The following FLI1 variants were observed in gnomAD, a reference collection of about 807,000 sequenced individuals.
The protein encoded by FLI1 is Fli-1 proto-oncogene, ETS transcription factor.
Under a neutral mutation model 53.1 loss-of-function variants are expected in FLI1, and 13 were observed. That is an observed-to-expected ratio of 0.24 (90% CI 0.16 to 0.39). The LOEUF is 0.39. FLI1 is among the 10% of genes least tolerant of loss of function. The probability of loss-of-function intolerance (pLI) is 1.00; values close to 1 mark genes in which losing one functional copy is unlikely to be tolerated. For synonymous variants in FLI1, 244 were observed against 236.7 expected, an observed-to-expected ratio of 1.03 and a Z score of -0.28; for missense variants, 424 against 600.5, an observed-to-expected ratio of 0.71 and a Z score of 3.07.
chr11:128,688,680 G>A (rs1239265441), intron 1 of FLI1, among the ~76,000 whole-genome samples: 2 of 152,182 alleles, frequency 1.3e-5, no homozygotes, highest in Non-Finnish European at 2.9e-5. Context: ...GGGTCCCACA[G>A]AGAGGTAAAG....
At chr11:128,758,032 C>T in intron 1 of FLI1, 83 bp from the exon 2 acceptor site, 1 of 1,274,030 alleles carries the variant, frequency 7.8e-7, no homozygotes, top group Non-Finnish European at 1.1e-6. Context: ...AGCCCTGGGC[C>T]ACCTTGCCAG....
chr11:128,764,614 C>T, intron 2 of FLI1: 1 of 1,522,886 alleles, frequency 6.6e-7, no homozygotes, highest in Non-Finnish European at 8.8e-7. Context: ...GTCCCGCACT[C>T]CCCCTCCCTC....
intron 1 of FLI1, among the ~76,000 whole-genome samples, chr11:128,704,315 G>C (rs1938466439): frequency 6.6e-6 from 1 of 152,068 alleles, no homozygotes. Context: ...GTGAAGGCAG[G>C]GGCTCTCAGC....
chr11:128,746,883 C>A (rs1484804739), intron 1 of FLI1, among the ~76,000 whole-genome samples: 1 of 152,200 alleles, frequency 6.6e-6, no homozygotes, highest in Non-Finnish European at 1.5e-5. Context: ...CAATAAAGCT[C>A]CACATTGACC....
Position 128,782,031 on chromosome 11 carries a change from T to G in FLI1, c.655+8T>G, listed in dbSNP as rs1472449083. ...GATTGAGTGTCAAAGAAGGTAAGTTTGTTCTTTTGTGCACTTAAAATTTTC... is the reference window on the plus strand; with the variant it reads ...GATTGAGTGTCAAAGAAGGTAAGTTGGTTCTTTTGTGCACTTAAAATTTTC... On this transcript the variant is annotated splice_region_variant and intron_variant, in intron 5 of 8. Transcript: ENST00000527786. 2 of 1,611,188 alleles carry G rather than the reference T, an allele frequency of 1.2e-6. No individual in the cohort carries two copies. Among genetic ancestry groups the G allele is most frequent in the Admixed American group, 1.7e-5 (1 of 60,026 alleles).
upstream of FLI1, among the ~76,000 whole-genome samples, chr11:128,689,675 C>T (rs1004789152): frequency 6.6e-6 from 1 of 152,208 alleles, no homozygotes; most frequent in African/African-American, 2.4e-5. Flanking sequence ...AAGCTGAACC[C>T]ACCTTGGCCC....
intron 1 of FLI1, among the ~76,000 whole-genome samples, chr11:128,702,610 C>T (rs1938382030): frequency 6.6e-6 from 1 of 152,138 alleles, no homozygotes; most frequent in South Asian, 2.1e-4. Context: ...ACCTGTAATC[C>T]CAGCATTTTG....
At chr11:128,768,298 G>T in intron 3 of FLI1, 26 bp downstream of exon 3, 1 of 1,595,698 alleles carries the variant, frequency 6.3e-7, no homozygotes, top group Non-Finnish European at 8.5e-7. Flanking sequence ...GGCTGCCTGG[G>T]CGCCATTCAC....
rs775332838 is a variant in FLI1 at position 128,811,869 on chromosome 11, G to A, written c.*881G>A. 36 of 195,436 alleles carry A rather than the reference G, an allele frequency of 1.8e-4. No homozygotes were observed. Among genetic ancestry groups the A allele is most frequent in the Admixed American group, 1.2e-3 (20 of 16,426 alleles). 12.1% of individuals were successfully genotyped at this position (195,436 alleles called of 1,614,324 possible). On this transcript the variant is annotated 3_prime_UTR_variant, in exon 9 of 9. Coordinates refer to ENST00000527786, the MANE Select transcript of FLI1 (RefSeq NM_002017.5). ...CAGAGTTATTTTCCTATATCTCACA[G>A]TATTAAAAATAAATAATTAAAAATT...
chr11:128,773,457 T>C (rs1164419618), intron 4 of FLI1, among the ~76,000 whole-genome samples: 1 of 151,908 alleles, frequency 6.6e-6, no homozygotes. Context: ...CTAACCCCAT[T>C]TGACAGGGCT....
At chr11:128,708,840 A>C (rs1938666617) in intron 1 of FLI1, among the ~76,000 whole-genome samples, 1 of 152,112 alleles carries the variant, frequency 6.6e-6, no homozygotes, top group South Asian at 2.1e-4. Flanking sequence ...CCGTCTTTTT[A>C]TTTGTCAGGC....
Position 128,772,895 on chromosome 11 carries a change from C to T in FLI1, c.499C>T (p.Leu167=). The T allele has an allele frequency of 6.2e-7, 1 of 1,614,012 alleles. No homozygotes were observed. The highest frequency in any genetic ancestry group is 8.5e-7 in the Non-Finnish European group (1 of 1,179,864). ...SFFQNMDGKE[L]CKMNKEDFLR... is the part of the protein sequence containing the mutation. ...TTTCCAGAACATGGATGGCAAGGAA[C>T]TGTGTAAAATGAACAAGGAGGACTT... Residue 167 remains leucine, a synonymous_variant, in exon 4 of 9, where the codon CTG becomes TTG. Transcript: ENST00000527786.
At chr11:128,749,415 C>T (rs1565480630) in intron 1 of FLI1, among the ~76,000 whole-genome samples, 2 of 152,192 alleles carry the variant, frequency 1.3e-5, no homozygotes, top group South Asian at 2.1e-4. Flanking sequence ...CGGTTCCTCT[C>T]CTGCGGGCCT....
chr11:128,703,522 A>G (rs959098382), intron 1 of FLI1, among the ~76,000 whole-genome samples: 1 of 152,180 alleles, frequency 6.6e-6, no homozygotes, highest in Non-Finnish European at 1.5e-5. Flanking sequence ...TCTCCAATGT[A>G]TATTATTACA....
In FLI1 at chr11:128,733,914, G is replaced by C. The variant is rs566377306; in HGVS notation, c.19-24201G>C. Among the ~76,000 whole-genome samples, 6 of 152,330 alleles carry C rather than the reference G, an allele frequency of 3.9e-5. No homozygotes were observed. In the East Asian group the frequency reaches 1.2e-3, roughly 29 times the overall value. On this transcript the variant is annotated intron_variant, in intron 1 of 8. Coordinates refer to ENST00000527786, the MANE Select transcript of FLI1 (RefSeq NM_002017.5). The stretch of plus-strand genomic sequence containing the variant: ...TTCAGTGAGGAGTCAGCTCCCACAT[G>C]CTCCTCCTATCTGGGCTGCAATCAG...
chr11:128,776,804 C>G (rs1312281537), intron 4 of FLI1, among the ~76,000 whole-genome samples: 1 of 152,172 alleles, frequency 6.6e-6, no homozygotes, highest in Admixed American at 6.5e-5. Flanking sequence ...TCTGGAGTCC[C>G]AGTCCCTGGC....
At chr11:128,733,269 G>A (rs1321344620) in intron 1 of FLI1, among the ~76,000 whole-genome samples, 8 of 151,864 alleles carry the variant, frequency 5.3e-5, no homozygotes, top group South Asian at 2.1e-4. Flanking sequence ...CTGATTCCTC[G>A]GCTCCAGCTC....
intron 1 of FLI1, among the ~76,000 whole-genome samples, chr11:128,730,289 T>C (rs1368327719): frequency 6.6e-6 from 1 of 152,222 alleles, no homozygotes; most frequent in East Asian, 1.9e-4. Flanking sequence ...GGTTTCCTAA[T>C]TGGCTGAGGT....
At chr11:128,758,900 G>A (rs1019445428) in intron 2 of FLI1, among the ~76,000 whole-genome samples, 1 of 152,222 alleles carries the variant, frequency 6.6e-6, no homozygotes, top group African/African-American at 2.4e-5. Flanking sequence ...GGAGGGTCCA[G>A]GGAGAGAAAA....
Sources: allele counts gnomAD v4.1 joint callset (sites outside exome capture counted in the v4.1 genomes callset), GRCh38; gene constraint gnomAD v4.1.1; transcripts MANE v1.5; gene names NCBI Gene and HGNC (gene_info 2026-07-23, HGNC 2026-07-21).